Variants in PSD3 observed in about 807,000 individuals in gnomAD.
The protein encoded by PSD3 is pleckstrin and Sec7 domain containing 3, also known as PH and SEC7 domain-containing protein 3.
A neutral mutation model predicts 105.5 loss-of-function variants in PSD3; 49 were observed. That is an observed-to-expected ratio of 0.46 (90% CI 0.37 to 0.59). The LOEUF (loss-of-function observed/expected upper bound fraction) is 0.59, where lower values mean the gene tolerates loss of function less well. Among genes scored for constraint, PSD3 ranks in the 20% least tolerant of loss-of-function variants. The pLI is 0.00. For synonymous variants in PSD3, 557 were observed against 457.8 expected (o/e 1.22, Z -2.77); for missense variants, 1,561 against 1,263.8 (o/e 1.24, Z -3.57).
At chr8:18,744,584 ATCTT>A (rs1438893013) in intron 9 of PSD3, among the ~76,000 whole-genome samples, 1 of 152,176 alleles carries the variant, frequency 6.6e-6, no homozygotes, top group African/African-American at 2.4e-5. Context: ...ACTACCCAGC[ATCTT>A]TCTTTTTTCT....
chr8:18,854,452 C>A (rs1222747578), intron 4 of PSD3: 1 of 152,220 alleles, frequency 6.6e-6, no homozygotes, highest in Non-Finnish European at 1.5e-5. Flanking sequence ...TCTTTAAGAG[C>A]CAGATGGCAA....
At chr8:18,656,408 T>G (rs1253062342) in intron 9 of PSD3, among the ~76,000 whole-genome samples, 3 of 151,780 alleles carry the variant, frequency 2.0e-5, no homozygotes, top group African/African-American at 7.3e-5. Flanking sequence ...CATGGCAAAT[T>G]AAAGAGTAAG....
chr8:18,937,603 C>T (rs886274507), intron 1 of PSD3, among the ~76,000 whole-genome samples: 2 of 152,216 alleles, frequency 1.3e-5, no homozygotes, highest in African/African-American at 4.8e-5. Context: ...CTTAAAAGAG[C>T]TCCACAATCA....
rs1586471266 is a variant in PSD3, at chr8:18,936,360, T to C, written c.22-218A>G. Among the ~76,000 whole-genome samples, 6 of 152,292 alleles carry C rather than the reference T, an allele frequency of 3.9e-5. No homozygotes were observed. The South Asian group carries it at 1.2e-3, about 32-fold the overall frequency. On this transcript the variant is annotated intron_variant, in intron 1 of 15. Transcript: ENST00000327040. ...TAGCTATATAAAAAATGTATACATA[T>C]AAACATCTATAGGGAAGTCAGAGGA...
At chr8:19,055,299 G>A (rs1310801605) in intron 1 of PSD3, among the ~76,000 whole-genome samples, 4 of 152,034 alleles carry the variant, frequency 2.6e-5, no homozygotes, top group African/African-American at 9.7e-5. Flanking sequence ...TTTTGCCCAG[G>A]CTGGAGTGCA....
At chr8:18,963,182 T>C (rs1824028073) in intron 1 of PSD3, among the ~76,000 whole-genome samples, 1 of 152,174 alleles carries the variant, frequency 6.6e-6, no homozygotes. Context: ...GACAACAGTA[T>C]GGGGGAACCG....
At chr8:19,033,643 T>A (rs1010647156) in intron 1 of PSD3, among the ~76,000 whole-genome samples, 5 of 151,936 alleles carry the variant, frequency 3.3e-5, no homozygotes, top group Admixed American at 6.6e-5. Flanking sequence ...CCCTTTTCCC[T>A]TGGCTCTCTC....
chr8:18,714,591 C>T (rs866145361), intron 9 of PSD3, among the ~76,000 whole-genome samples: 10 of 152,268 alleles, frequency 6.6e-5, no homozygotes, highest in South Asian at 2.1e-4. Context: ...TACCATTTCA[C>T]ACCAGTCAGA....
chr8:18,735,404 G>A (rs547531995), intron 9 of PSD3, among the ~76,000 whole-genome samples: 1 of 152,286 alleles, frequency 6.6e-6, no homozygotes, highest in South Asian at 2.1e-4. Flanking sequence ...GTAATACACT[G>A]AATGGCGAAT....
At chr8:18,549,989 C>G (rs1019203965) in intron 15 of PSD3, among the ~76,000 whole-genome samples, 3 of 152,186 alleles carry the variant, frequency 2.0e-5, no homozygotes, top group Non-Finnish European at 4.4e-5. Flanking sequence ...GCCAAATACA[C>G]CAATTACAAG....
intron 15 of PSD3, among the ~76,000 whole-genome samples, chr8:18,538,595 G>A (rs1263574554): frequency 6.6e-6 from 1 of 152,198 alleles, no homozygotes; most frequent in African/African-American, 2.4e-5. Flanking sequence ...TAAGGCATAC[G>A]ATTTCATGAA....
intron 9 of PSD3, among the ~76,000 whole-genome samples, chr8:18,740,782 C>T (rs1804510488): frequency 6.6e-6 from 1 of 152,140 alleles, no homozygotes; most frequent in Admixed American, 6.5e-5. Context: ...TCCCTCTGTC[C>T]CACGACTTTG....
At chr8:18,704,178 C>T (rs1801754624) in intron 9 of PSD3, among the ~76,000 whole-genome samples, 1 of 152,110 alleles carries the variant, frequency 6.6e-6, no homozygotes, top group African/African-American at 2.4e-5. Context: ...AAGAAAAATG[C>T]CATAGCTTCA....
intron 9 of PSD3, among the ~76,000 whole-genome samples, chr8:18,727,537 T>TA (rs11397776): frequency 0.89 from 126,859 of 143,062 alleles, 56,415 homozygotes; most frequent in Non-Finnish European, 0.93. Context: ...ATAGCTAAAT[T>TA]AAAAAAAAAT....
chr8:18,600,831 TACCAGA>T (rs1804387330), intron 11 of PSD3, among the ~76,000 whole-genome samples: 1 of 152,222 alleles, frequency 6.6e-6, no homozygotes. Flanking sequence ...AGAGCTCATG[TACCAGA>T]GCCTTTATAG....
chr8:18,921,292 T>C (rs1000166220), intron 2 of PSD3, among the ~76,000 whole-genome samples: 1 of 152,194 alleles, frequency 6.6e-6, no homozygotes, highest in African/African-American at 2.4e-5. Context: ...ATCCTTTTAG[T>C]GTTAAAATGG....
chr8:19,023,841 G>A (rs1827448777), intron 1 of PSD3, among the ~76,000 whole-genome samples: 1 of 152,092 alleles, frequency 6.6e-6, no homozygotes, highest in Non-Finnish European at 1.5e-5. Flanking sequence ...CCGGATAAAC[G>A]ACAAATGAAA....
intron 4 of PSD3, among the ~76,000 whole-genome samples, chr8:18,845,342 C>A (rs943676005): frequency 2.0e-5 from 3 of 152,158 alleles, no homozygotes; most frequent in African/African-American, 7.2e-5. Flanking sequence ...TGGATGGGGT[C>A]CCCTAGGCCT....
chr8:18,867,002 T>G (rs1010606598), intron 4 of PSD3, among the ~76,000 whole-genome samples: 1 of 152,060 alleles, frequency 6.6e-6, no homozygotes, highest in South Asian at 2.1e-4. Context: ...GGATAATCCA[T>G]AAATAGTCGC....
Sources: allele counts gnomAD v4.1 joint callset (sites outside exome capture counted in the v4.1 genomes callset), GRCh38; gene constraint gnomAD v4.1.1; transcripts MANE v1.5; gene names NCBI Gene and HGNC (gene_info 2026-07-23, HGNC 2026-07-21).